Variants in TASP1 observed in about 807,000 individuals in gnomAD.
The protein encoded by TASP1 is taspase 1, also known as threonine aspartase 1.
In TASP1, 16 loss-of-function variants were observed where a neutral mutation model predicts 56.6. That is an observed-to-expected ratio of 0.28 (90% CI 0.19 to 0.43). TASP1 has a LOEUF of 0.43. TASP1 is among the 20% of genes least tolerant of loss of function. The pLI is 1.00. For synonymous variants in TASP1, 179 were observed against 184.2 expected (o/e 0.97, Z 0.23); for missense variants, 393 against 511.6 (o/e 0.77, Z 2.24).
At chr20:13,148,510 T>G in the TASP1 span, among the ~76,000 whole-genome samples, 2 of 152,116 alleles carry the variant, frequency 1.3e-5, no homozygotes, top group Non-Finnish European at 2.9e-5. Flanking sequence ...CACGAAAAGG[T>G]ATCTCAGGAA....
chr20:13,587,382 A>G lies in TASP1; in HGVS notation c.283-12T>C. 1 of 1,582,334 alleles carries G rather than the reference A, an allele frequency of 6.3e-7. No homozygotes were observed. The highest frequency in any genetic ancestry group is 8.6e-7 in the Non-Finnish European group (1 of 1,166,376). ...GTAAAAGGAGAATCCTAAAAGACAA[A>G]AACAAAAATTAAAATATCATTAGTC... On this transcript the variant is annotated splice_polypyrimidine_tract_variant and intron_variant, in intron 4 of 13. Transcript: ENST00000337743.
intron 13 of TASP1, among the ~76,000 whole-genome samples, chr20:13,395,657 T>C (rs1467115288): frequency 6.6e-6 from 1 of 152,094 alleles, no homozygotes. Flanking sequence ...GCATTGTGAA[T>C]TCTTGCCTGA....
the TASP1 span, among the ~76,000 whole-genome samples, chr20:13,353,720 T>C: frequency 6.6e-6 from 1 of 152,196 alleles, no homozygotes. Context: ...GCCCAGGCTC[T>C]GACATTTGAA....
chr20:13,551,951 G>T (rs545104410), intron 8 of TASP1, among the ~76,000 whole-genome samples: 1 of 152,266 alleles, frequency 6.6e-6, no homozygotes, highest in Admixed American at 6.5e-5. Context: ...ATGTCCATTT[G>T]CAGAAATTAT....
At chr20:13,491,829 C>A (rs1600983845) in intron 10 of TASP1, among the ~76,000 whole-genome samples, 2 of 152,048 alleles carry the variant, frequency 1.3e-5, no homozygotes, top group African/African-American at 2.4e-5. Context: ...GGATGAGCCC[C>A]ATTATTACAA....
the TASP1 span, among the ~76,000 whole-genome samples, chr20:13,209,719 T>C: frequency 6.6e-6 from 1 of 152,222 alleles, no homozygotes; most frequent in Non-Finnish European, 1.5e-5. Flanking sequence ...GAAAGTTCTA[T>C]AACAGAAAAG....
intron 10 of TASP1, among the ~76,000 whole-genome samples, chr20:13,518,976 C>T (rs191701611): frequency 6.6e-6 from 1 of 152,042 alleles, no homozygotes; most frequent in Admixed American, 6.6e-5. Context: ...ACATATACAC[C>T]ATAGAACACT....
chr20:13,120,070 T>A, the TASP1 span, among the ~76,000 whole-genome samples: 1 of 152,236 alleles, frequency 6.6e-6, no homozygotes, highest in Admixed American at 6.5e-5. Context: ...TCCTATGAAC[T>A]TCAGATAATT....
the TASP1 span, among the ~76,000 whole-genome samples, chr20:13,193,836 A>G: frequency 5.9e-5 from 9 of 152,194 alleles, no homozygotes; most frequent in Non-Finnish European, 2.9e-5. Context: ...GGAAAGCGGC[A>G]TGCTAATAGT....
chr20:13,246,229 T>C, the TASP1 span, among the ~76,000 whole-genome samples: 2 of 149,588 alleles, frequency 1.3e-5, no homozygotes, highest in East Asian at 3.9e-4. Context: ...GCCAAGATCA[T>C]GCCACTGCAC....
At chr20:13,508,827 T>C (rs772646559) in intron 10 of TASP1, among the ~76,000 whole-genome samples, 1 of 151,398 alleles carries the variant, frequency 6.6e-6, no homozygotes, top group Non-Finnish European at 1.5e-5. Context: ...TACCAAAACA[T>C]CAAAAAATAA....
At chr20:13,319,660 T>C in the TASP1 span, among the ~76,000 whole-genome samples, 1 of 152,240 alleles carries the variant, frequency 6.6e-6, no homozygotes, top group East Asian at 1.9e-4. Flanking sequence ...CTAAGGTTGC[T>C]ATAATGCCTA....
chr20:13,440,031 A>G (rs1276297988), intron 11 of TASP1, among the ~76,000 whole-genome samples: 1 of 152,176 alleles, frequency 6.6e-6, no homozygotes, highest in African/African-American at 2.4e-5. Flanking sequence ...GGGTCTAAAA[A>G]CTTTCAAATG....
intron 4 of TASP1, among the ~76,000 whole-genome samples, chr20:13,609,641 C>T (rs935991227): frequency 3.5e-5 from 5 of 144,410 alleles, no homozygotes; most frequent in Admixed American, 1.5e-4. Flanking sequence ...TGAGCTGAGA[C>T]GGCGCCATTG....
the TASP1 span, among the ~76,000 whole-genome samples, chr20:13,153,044 G>A: frequency 1.3e-5 from 2 of 152,228 alleles, no homozygotes; most frequent in African/African-American, 4.8e-5. Context: ...ACGAAAGACT[G>A]TAGTGGCACA....
At chr20:13,545,724 C>T (rs2045785052) in intron 8 of TASP1, among the ~76,000 whole-genome samples, 1 of 152,116 alleles carries the variant, frequency 6.6e-6, no homozygotes, top group Non-Finnish European at 1.5e-5. Context: ...CCTCTCTAGA[C>T]CTGTCTCACA....
the TASP1 span, among the ~76,000 whole-genome samples, chr20:13,318,391 G>A: frequency 6.6e-6 from 1 of 152,150 alleles, no homozygotes; most frequent in East Asian, 1.9e-4. Context: ...AATTCAAAAT[G>A]GCGTGACCAC....
At chr20:13,550,149 C>T (rs1219331766) in intron 8 of TASP1, among the ~76,000 whole-genome samples, 1 of 136,202 alleles carries the variant, frequency 7.3e-6, no homozygotes, top group Non-Finnish European at 1.6e-5. Flanking sequence ...TATACACATA[C>T]ACACACACAC....
intron 11 of TASP1, among the ~76,000 whole-genome samples, chr20:13,475,756 C>T (rs1321017873): frequency 6.6e-6 from 1 of 152,040 alleles, no homozygotes; most frequent in East Asian, 1.9e-4. Flanking sequence ...ATTAGCTGGG[C>T]ATGGTGGCGG....
Sources: gnomAD v4.1 joint callset for allele counts (sites outside exome capture counted in the v4.1 genomes callset) on GRCh38, gnomAD v4.1.1 for gene constraint, MANE v1.5 for transcripts, NCBI Gene and HGNC (gene_info 2026-07-23, HGNC 2026-07-21) for gene names.